PCDH15: variants seen among roughly 807,000 people sequenced by gnomAD.
PCDH15 encodes the protein protocadherin-15.
Under a neutral mutation model 178.5 loss-of-function variants are expected in PCDH15, and 129 were observed. That is an observed-to-expected ratio of 0.72 (90% CI 0.63 to 0.84). The LOEUF (loss-of-function observed/expected upper bound fraction) is 0.84. PCDH15 is among the 40% of genes least tolerant of loss of function. The pLI, the probability that PCDH15 is intolerant of heterozygous loss-of-function variation, is 0.00. For synonymous variants in PCDH15, 800 were observed against 732.0 expected, an observed-to-expected ratio of 1.09 and a Z score of -1.50; for missense variants, 2,230 against 2,099.9, an observed-to-expected ratio of 1.06 and a Z score of -1.21.
chr10:55,282,672 T>C (rs1324323790), intron 1 of PCDH15, among the ~76,000 whole-genome samples: 1 of 151,220 alleles, frequency 6.6e-6, no homozygotes, highest in Non-Finnish European at 1.5e-5. Context: ...TATAAATGAT[T>C]AAGTAATTAA....
At chr10:55,193,776 A>C (rs1312664954) in intron 1 of PCDH15, among the ~76,000 whole-genome samples, 1 of 151,920 alleles carries the variant, frequency 6.6e-6, no homozygotes, top group Non-Finnish European at 1.5e-5. Context: ...TGTACATGGA[A>C]GTTCAAAGAG....
intron 1 of PCDH15, among the ~76,000 whole-genome samples, chr10:54,780,156 G>A (rs550717336): frequency 2.0e-5 from 3 of 152,224 alleles, no homozygotes; most frequent in Non-Finnish European, 4.4e-5. Context: ...TTCGTGTGAG[G>A]TGCCACACAT....
chr10:55,350,915 T>C (rs1369230259), intron 2 of PCDH15, among the ~76,000 whole-genome samples: 1 of 152,070 alleles, frequency 6.6e-6, no homozygotes, highest in Non-Finnish European at 1.5e-5. Context: ...GATTTAATCA[T>C]ATGTTTTTAA....
At chr10:55,361,322 T>C (rs1845223981) in intron 2 of PCDH15, among the ~76,000 whole-genome samples, 1 of 152,006 alleles carries the variant, frequency 6.6e-6, no homozygotes, top group Non-Finnish European at 1.5e-5. Flanking sequence ...CCCTTGTTAA[T>C]TATCTTCTTT....
chr10:54,879,082 A>G (rs1287250986), intron 3 of PCDH15, among the ~76,000 whole-genome samples: 1 of 152,154 alleles, frequency 6.6e-6, no homozygotes, highest in Non-Finnish European at 1.5e-5. Flanking sequence ...GACAATTGCA[A>G]TAAGTGGGTT....
chr10:55,440,737 A>G (rs529476064), intron 2 of PCDH15, among the ~76,000 whole-genome samples: 2 of 152,166 alleles, frequency 1.3e-5, no homozygotes, highest in Non-Finnish European at 2.9e-5. Flanking sequence ...CCGTTTTCAC[A>G]CTGCTGATAA....
intron 2 of PCDH15, among the ~76,000 whole-genome samples, chr10:54,944,236 G>C (rs1046494593): frequency 6.6e-6 from 1 of 151,884 alleles, no homozygotes; most frequent in East Asian, 1.9e-4. Context: ...GTTGAGAAAG[G>C]GTTTGACAAA....
chr10:55,271,559 G>A (rs1842444797), intron 1 of PCDH15, among the ~76,000 whole-genome samples: 1 of 151,998 alleles, frequency 6.6e-6, no homozygotes, highest in African/African-American at 2.4e-5. Flanking sequence ...AAGACTAGTG[G>A]ACCACACAAT....
At chr10:55,106,787 T>C (rs1039225548) in intron 2 of PCDH15, among the ~76,000 whole-genome samples, 1 of 152,202 alleles carries the variant, frequency 6.6e-6, no homozygotes, top group African/African-American at 2.4e-5. Context: ...TAGATTCTTA[T>C]CCTATTATTA....
intron 1 of PCDH15, among the ~76,000 whole-genome samples, chr10:55,208,301 C>G (rs1301444335): frequency 6.6e-6 from 1 of 152,044 alleles, no homozygotes; most frequent in Non-Finnish European, 1.5e-5. Context: ...AACGCTTGTT[C>G]CATCCTTTGT....
rs556103052 is a variant in PCDH15 at position 54,589,386 on chromosome 10, G to A, written c.92-61509C>T. ...GGTATTTAAACATCTTCTGCTCAAG[G>A]AGGCCTAGCTGATAATCTGTATTTA... On this transcript the variant is annotated intron_variant, in intron 2 of 37. Coordinates refer to ENST00000644397, the MANE Select transcript of PCDH15 (RefSeq NM_001384140.1). Among the ~76,000 whole-genome samples, 3 of 152,196 alleles carry A rather than the reference G, an allele frequency of 2.0e-5. No individual in the cohort carries two copies. The South Asian group carries it at 6.2e-4, about 32-fold the overall frequency.
intron 2 of PCDH15, among the ~76,000 whole-genome samples, chr10:55,008,884 T>TAAAAA (rs201027163): frequency 8.7e-6 from 1 of 114,816 alleles, no homozygotes; most frequent in Admixed American, 8.8e-5. Context: ...TGATCTTGTT[T>TAAAAA]AAAAAACAAA....
chr10:54,817,396 A>C (rs1320213119), intron 3 of PCDH15, among the ~76,000 whole-genome samples: 1 of 152,014 alleles, frequency 6.6e-6, no homozygotes, highest in Non-Finnish European at 1.5e-5. Context: ...AACTACTAAA[A>C]GGTAGAGCAA....
At chr10:55,037,234 A>AT (rs941412810) in intron 2 of PCDH15, among the ~76,000 whole-genome samples, 123 of 148,172 alleles carry the variant, frequency 8.3e-4, no homozygotes, top group East Asian at 2.0e-3. Flanking sequence ...TGACATCTTA[A>AT]TTTTTTTTTT....
At chr10:54,705,610 CACT>C (rs1168262546) in intron 1 of PCDH15, among the ~76,000 whole-genome samples, 2 of 152,086 alleles carry the variant, frequency 1.3e-5, no homozygotes, top group East Asian at 3.8e-4. Context: ...ACCATAGCAC[CACT>C]ATTATCCATA....
chr10:55,246,570 T>C (rs985527232), intron 1 of PCDH15, among the ~76,000 whole-genome samples: 3 of 152,184 alleles, frequency 2.0e-5, no homozygotes, highest in Non-Finnish European at 4.4e-5. Flanking sequence ...AAATTCCAAT[T>C]TAGGAAACTT....
intron 25 of PCDH15, among the ~76,000 whole-genome samples, chr10:53,934,935 A>G (rs988543365): frequency 7.2e-6 from 1 of 139,328 alleles, no homozygotes; most frequent in East Asian, 2.6e-4. Flanking sequence ...CCACATTAAT[A>G]AAAAAAAAAA....
intron 2 of PCDH15, among the ~76,000 whole-genome samples, chr10:55,395,010 T>C (rs1054313541): frequency 2.0e-5 from 3 of 152,042 alleles, no homozygotes; most frequent in Non-Finnish European, 2.9e-5. Flanking sequence ...TATTTAACTA[T>C]GAAAATAAAT....
At chr10:54,823,625 C>G (rs1277805530) in intron 3 of PCDH15, among the ~76,000 whole-genome samples, 11 of 152,054 alleles carry the variant, frequency 7.2e-5, no homozygotes, top group Admixed American at 6.6e-4. Context: ...AAAGTCAGAG[C>G]TATTAATGGC....
Sources: gnomAD v4.1 joint callset for allele counts (sites outside exome capture counted in the v4.1 genomes callset) on GRCh38, gnomAD v4.1.1 for gene constraint, MANE v1.5 for transcripts, NCBI Gene and HGNC (gene_info 2026-07-23, HGNC 2026-07-21) for gene names.